The following STK32B variants were observed in gnomAD, a reference collection of about 807,000 sequenced individuals.
The protein encoded by STK32B is serine/threonine-protein kinase 32B.
A neutral mutation model predicts 52.6 loss-of-function variants in STK32B; 43 were observed. The observed-to-expected ratio is 0.82, with a 90% CI of 0.64 to 1.05. The LOEUF (loss-of-function observed/expected upper bound fraction) is 1.05. Ranked by LOEUF, STK32B falls within the 50% of genes least tolerant of loss-of-function variation. STK32B has a pLI of 0.00. For missense variants in STK32B, 621 were observed against 534.6 expected (o/e 1.16, Z -1.59); for synonymous variants, 238 against 204.3 (o/e 1.17, Z -1.41).
intron 11 of STK32B, among the ~76,000 whole-genome samples, chr4:5,494,999 G>T (rs1236452427): frequency 1.3e-5 from 2 of 152,104 alleles, no homozygotes; most frequent in Middle Eastern, 3.2e-3. Flanking sequence ...CTCTCTGGCT[G>T]CCCTTAACAT....
At chr4:5,282,545 GCTTCTT>G (rs200167259) in intron 3 of STK32B, among the ~76,000 whole-genome samples, 2 of 151,970 alleles carry the variant, frequency 1.3e-5, no homozygotes, top group African/African-American at 4.8e-5. Flanking sequence ...CTGTACTAAT[GCTTCTT>G]CTTCTTCTTG....
intron 3 of STK32B, among the ~76,000 whole-genome samples, chr4:5,256,297 C>G (rs1413958591): frequency 6.6e-6 from 1 of 152,170 alleles, no homozygotes; most frequent in African/African-American, 2.4e-5. Context: ...GTGACATTTA[C>G]TTCACAGAAA....
At chr4:5,262,060 C>G (rs983836210) in intron 3 of STK32B, among the ~76,000 whole-genome samples, 1 of 152,168 alleles carries the variant, frequency 6.6e-6, no homozygotes, top group Non-Finnish European at 1.5e-5. Context: ...GCTGATTCTC[C>G]GTCGTGCCTC....
chr4:5,067,347 A>G (rs1344020517), intron 1 of STK32B, among the ~76,000 whole-genome samples: 1 of 152,136 alleles, frequency 6.6e-6, no homozygotes, highest in Non-Finnish European at 1.5e-5. Flanking sequence ...GACACAGCCA[A>G]ACCATATCAG....
intron 3 of STK32B, among the ~76,000 whole-genome samples, chr4:5,291,605 GT>G (rs1728895116): frequency 6.6e-6 from 1 of 152,074 alleles, no homozygotes; most frequent in Non-Finnish European, 1.5e-5. Context: ...ATCAGAGATA[GT>G]TTTACTTGCT....
At chr4:5,057,692 C>G (rs1021817337) in intron 1 of STK32B, among the ~76,000 whole-genome samples, 2 of 152,126 alleles carry the variant, frequency 1.3e-5, no homozygotes, top group African/African-American at 4.8e-5. Flanking sequence ...AGTATTTTAG[C>G]AGGATCAAAC....
intron 5 of STK32B, among the ~76,000 whole-genome samples, chr4:5,404,863 A>ATTT (rs58235629): frequency 1.8e-5 from 2 of 113,182 alleles, no homozygotes; most frequent in Admixed American, 9.6e-5. Flanking sequence ...TCTGTATGCG[A>ATTT]TTTTTTTTTT....
At chr4:5,370,235 A>G (rs1735140825) in intron 4 of STK32B, among the ~76,000 whole-genome samples, 1 of 152,134 alleles carries the variant, frequency 6.6e-6, no homozygotes, top group South Asian at 2.1e-4. Flanking sequence ...ATATGGAGCA[A>G]TTCACCAGGC....
rs553161192 is a variant in STK32B, at chr4:5,364,938, C to T, written c.435-33269C>T. ...TTGCCCAGGCTGGAGTGCAATGGTG[C>T]AATCTCGGCCCACTGCAACCTCTAC... On this transcript the variant is annotated intron_variant, in intron 4 of 11. Coordinates refer to ENST00000282908, the MANE Select transcript of STK32B (RefSeq NM_018401.3). Among the ~76,000 whole-genome samples the T allele has an allele frequency of 4.3e-3, 654 of 152,244 alleles. 3 individuals are homozygous for T. The highest frequency in any genetic ancestry group is 0.015 in the African/African-American group (625 of 41,544).
chr4:5,496,142 A>T (rs1720223789), intron 11 of STK32B, among the ~76,000 whole-genome samples: 1 of 152,206 alleles, frequency 6.6e-6, no homozygotes, highest in Non-Finnish European at 1.5e-5. Flanking sequence ...TGCAGAGGTT[A>T]CTGCTGTCTT....
chr4:5,094,369 A>T (rs1365727010), intron 1 of STK32B, among the ~76,000 whole-genome samples: 1 of 152,198 alleles, frequency 6.6e-6, no homozygotes, highest in Non-Finnish European at 1.5e-5. Context: ...TAAGAAAATC[A>T]CTGGTTGGCA....
chr4:5,445,559 G>C lies in STK32B; in HGVS notation c.563-1114G>C, dbSNP rs183167153. 1.7e-3 allele frequency among the ~76,000 whole-genome samples: 261 copies of C among 152,272 alleles called. 2 individuals are homozygous for C. Among genetic ancestry groups the C allele is most frequent in the African/African-American group, 6.1e-3 (254 of 41,556 alleles). On this transcript the variant is annotated intron_variant, in intron 6 of 11. Coordinates refer to ENST00000282908, the MANE Select transcript of STK32B (RefSeq NM_018401.3). ...AACCCACCACTCAGCCCCTTGGAGA[G>C]TGATCAGAGACAAGGACCCCAGGAC...
chr4:5,332,589 G>A lies in STK32B; in HGVS notation c.434+1196G>A, dbSNP rs566303152. 5.9e-5 allele frequency among the ~76,000 whole-genome samples: 9 copies of A among 152,196 alleles called. 1 individual carries two copies. The South Asian group carries it at 1.2e-3, about 21-fold the overall frequency. On this transcript the variant is annotated intron_variant, in intron 4 of 11. Coordinates refer to ENST00000282908, the MANE Select transcript of STK32B (RefSeq NM_018401.3). ...TATACATGTGCCATGCTGGTGTGCTGCACCCAATAACTCGTCATTTAGCAT... is the reference window on the plus strand; with the variant it reads ...TATACATGTGCCATGCTGGTGTGCTACACCCAATAACTCGTCATTTAGCAT...
Position 5,099,454 on chromosome 4 carries a change from G to GTGCGCGCGCACA in STK32B, c.53-40451_53-40450insTGCGCGCGCACA, listed in dbSNP as rs138682243. Reference sequence around the variant, plus strand: ...CCTCTGTGTGTGTGTGTGTGTGCGCGCGCGCGTATGTGATGTGTTCACAAC... The same window carrying GTGCGCGCGCACA: ...CCTCTGTGTGTGTGTGTGTGTGCGCGTGCGCGCGCACACGCGCGTATGTGATGTGTTCACAAC... On this transcript the variant is annotated intron_variant, in intron 1 of 11. Transcript: ENST00000282908. Among the ~76,000 whole-genome samples the GTGCGCGCGCACA allele has an allele frequency of 2.5e-4, 33 of 129,850 alleles. No individual in the cohort carries two copies. In the South Asian group the frequency reaches 6.8e-3, roughly 27 times the overall value. 85.2% of individuals were successfully genotyped at this position (129,850 alleles called of 152,430 possible). A position where few individuals can be genotyped will look rare whatever the true frequency, so the allele number is the denominator to read the frequency against.
At chr4:5,024,912 G>GC in the STK32B span, among the ~76,000 whole-genome samples, 530 of 152,300 alleles carry the variant, frequency 3.5e-3, 2 homozygotes, top group Middle Eastern at 0.01. Context: ...CGGGGGAGCT[G>GC]CACCCCCAAC....
intron 4 of STK32B, among the ~76,000 whole-genome samples, chr4:5,372,598 C>G (rs1735319141): frequency 6.6e-6 from 1 of 152,028 alleles, no homozygotes; most frequent in African/African-American, 2.4e-5. Context: ...GAGAAGATGA[C>G]AACTCTGTTC....
chr4:5,374,036 T>C lies in STK32B; in HGVS notation c.435-24171T>C, dbSNP rs140799910. 2.0e-5 allele frequency among the ~76,000 whole-genome samples: 3 copies of C among 152,256 alleles called. No homozygotes were observed. In the East Asian group the frequency reaches 5.8e-4, roughly 29 times the overall value. ...TGAGCCCTAAATCCAATGACTGATG[T>C]CTTTATAAGAGACAGAAGAGGAAAT... On this transcript the variant is annotated intron_variant, in intron 4 of 11. Transcript: ENST00000282908.
At position 5,409,902 on chromosome 4, in the gene STK32B, C is replaced by A. The variant is rs183980283; in HGVS notation, c.473-6943C>A. ...AAAAAAATCAAAGGCTCATTTTATTCTTTATCAGGCAAAGACATGTGCTGA... is the reference window on the plus strand; with the variant it reads ...AAAAAAATCAAAGGCTCATTTTATTATTTATCAGGCAAAGACATGTGCTGA... On this transcript the variant is annotated intron_variant, in intron 5 of 11. Transcript: ENST00000282908. 1.9e-3 allele frequency among the ~76,000 whole-genome samples: 284 copies of A among 152,246 alleles called. 4 individuals carry two copies. Among genetic ancestry groups the A allele is most frequent in the Non-Finnish European group, 5.4e-4 (37 of 68,014 alleles).
At chr4:5,437,660 A>C (rs561130131) in intron 6 of STK32B, among the ~76,000 whole-genome samples, 1 of 152,256 alleles carries the variant, frequency 6.6e-6, no homozygotes, top group African/African-American at 2.4e-5. Context: ...TACATCTCCA[A>C]ATGCCTCTGC....
Sources: allele counts gnomAD v4.1 joint callset (sites outside exome capture counted in the v4.1 genomes callset), GRCh38; gene constraint gnomAD v4.1.1; transcripts MANE v1.5; gene names NCBI Gene and HGNC (gene_info 2026-07-23, HGNC 2026-07-21).